VPS45: variants seen among roughly 807,000 people sequenced by gnomAD.
VPS45 encodes the protein vacuolar protein sorting-associated protein 45.
VPS45 carries 35 observed loss-of-function variants against 75.9 expected under a neutral mutation model. The ratio of observed to expected loss-of-function variants is 0.46; its 90% CI spans 0.35 to 0.61. The LOEUF (loss-of-function observed/expected upper bound fraction) is 0.61. Among genes scored for constraint, VPS45 ranks in the 20% least tolerant of loss-of-function variants. VPS45 has a pLI of 0.00. For synonymous variants in VPS45, 220 were observed against 238.2 expected, an observed-to-expected ratio of 0.92 and a Z score of 0.70; for missense variants, 559 against 685.9, an observed-to-expected ratio of 0.81 and a Z score of 2.07.
intron 12 of VPS45, chr1:150,092,699 C>A: frequency 1.4e-5 from 3 of 211,930 alleles, no homozygotes; most frequent in Non-Finnish European, 2.8e-5. Flanking sequence ...ATATTTTACA[C>A]CATTTGTTTA....
intron 14 of VPS45, among the ~76,000 whole-genome samples, chr1:150,116,969 G>A (rs1559932678): frequency 6.6e-6 from 1 of 152,022 alleles, no homozygotes; most frequent in Non-Finnish European, 1.5e-5. Flanking sequence ...TTAGGAGGCC[G>A]AGGCAGGCGG....
chr1:150,093,384 T>G, intron 12 of VPS45, 143 bp from the exon 13 acceptor site: 1 of 929,796 alleles, frequency 1.1e-6, no homozygotes, highest in Non-Finnish European at 1.5e-6. Context: ...CTGATTAAAA[T>G]AATTTTTAAA....
intron 14 of VPS45, among the ~76,000 whole-genome samples, chr1:150,130,250 G>A (rs1288535024): frequency 7.0e-6 from 1 of 141,852 alleles, no homozygotes; most frequent in Non-Finnish European, 1.5e-5. Flanking sequence ...TTGCCAGGCT[G>A]GAGTGCAGTG....
chr1:150,126,554 T>C (rs1278137560), intron 14 of VPS45, among the ~76,000 whole-genome samples: 1 of 152,118 alleles, frequency 6.6e-6, no homozygotes, highest in Non-Finnish European at 1.5e-5. Context: ...GTGATGGAAA[T>C]GTTCTATATC....
chr1:150,115,718 G>C (rs1657894696), intron 14 of VPS45, among the ~76,000 whole-genome samples: 1 of 152,116 alleles, frequency 6.6e-6, no homozygotes, highest in African/African-American at 2.4e-5. Flanking sequence ...TATACATAAG[G>C]GTTCCTGAAC....
At chr1:150,106,249 A>G (rs1657317404) in intron 13 of VPS45, among the ~76,000 whole-genome samples, 1 of 152,182 alleles carries the variant, frequency 6.6e-6, no homozygotes, top group Non-Finnish European at 1.5e-5. Flanking sequence ...AAACAAAAGT[A>G]GACAAGTAGG....
At chr1:150,128,308 A>AAAAAAAG (rs1176403670) in intron 14 of VPS45, among the ~76,000 whole-genome samples, 3,197 of 151,586 alleles carry the variant, frequency 0.021, 101 homozygotes, top group African/African-American at 0.073. Flanking sequence ...GTCTTAAAAA[A>AAAAAAAG]AAAAAGAAAA....
intron 1 of VPS45, chr1:150,068,166 T>G (rs868927178): frequency 1.2e-5 from 6 of 516,368 alleles, no homozygotes; most frequent in Middle Eastern, 4.1e-4. Context: ...CCGGAACAAT[T>G]TATTGGAATC....
chr1:150,078,474 A>G (rs974091813), intron 7 of VPS45, among the ~76,000 whole-genome samples: 5 of 152,068 alleles, frequency 3.3e-5, no homozygotes, highest in Non-Finnish European at 5.9e-5. Context: ...AAACCACTCA[A>G]TCTGGCCGGG....
intron 6 of VPS45, chr1:150,077,451 T>C (rs1038241367): frequency 2.7e-6 from 2 of 737,336 alleles, no homozygotes; most frequent in Middle Eastern, 3.7e-4. Context: ...ATTTAACTTT[T>C]TTTGGTCCAG....
chr1:150,108,488 G>A (rs1553806432), intron 13 of VPS45, among the ~76,000 whole-genome samples: 1 of 152,150 alleles, frequency 6.6e-6, no homozygotes, highest in Admixed American at 6.5e-5. Flanking sequence ...CAGATGGAGA[G>A]AATGAGTTTA....
At chr1:150,126,416 T>C (rs1658522476) in intron 14 of VPS45, among the ~76,000 whole-genome samples, 1 of 152,066 alleles carries the variant, frequency 6.6e-6, no homozygotes, top group Non-Finnish European at 1.5e-5. Flanking sequence ...GGTTTCACCA[T>C]GTTAGCCAGG....
intron 14 of VPS45, among the ~76,000 whole-genome samples, chr1:150,140,862 G>A (rs954157233): frequency 5.9e-5 from 9 of 152,188 alleles, no homozygotes; most frequent in African/African-American, 1.9e-4. Context: ...GAATGAGTAC[G>A]TAACTCTAAG....
At chr1:150,077,014 C>G (rs960769296) in intron 5 of VPS45, 30 bp downstream of exon 5, 1 of 1,613,486 alleles carries the variant, frequency 6.2e-7, no homozygotes, top group African/African-American at 1.3e-5. Context: ...ATTTATCAGT[C>G]GAGAGTTAAT....
Position 150,092,319 on chromosome 1 carries a change from T to C in VPS45, c.1281T>C (p.Val427=). Residue 427 remains valine (V), a synonymous_variant, in exon 12 of 15, where the codon GTT becomes GTC. Transcript: ENST00000644510. ...CTTAATAGCTCGTGTCTGCAGTTGT[T>C]GAATATGGTGGTAAACGAGTCAGAG... ...EKYRKLVSAV[V]EYGGKRVRGS... 4 of 1,614,138 alleles carry C rather than the reference T, an allele frequency of 2.5e-6. No individual in the cohort carries two copies. The East Asian group carries it at 8.9e-5, about 36-fold the overall frequency.
rs1271796208 is a variant in VPS45, at chr1:150,088,601, TC to T, written c.1105-3332del. Among the ~76,000 whole-genome samples the T allele has an allele frequency of 3.6e-4, 52 of 146,374 alleles. 1 individual carries two copies. Among genetic ancestry groups the T allele is most frequent in the East Asian group, 2.2e-4 (1 of 4,638 alleles). The stretch of plus-strand genomic sequence containing the variant: ...CTCAAGCTACTCTCCCACCTCAGCC[TC>T]CCCAGTAGCTGGGACTACAGGTATA... On this transcript the variant is annotated intron_variant, in intron 10 of 14. Transcript: ENST00000644510.
chr1:150,128,790 A>T (rs1553811487), intron 14 of VPS45, among the ~76,000 whole-genome samples: 1 of 151,032 alleles, frequency 6.6e-6, no homozygotes, highest in Non-Finnish European at 1.5e-5. Flanking sequence ...CCCAGGCTGG[A>T]GTGCAGTGGC....
At chr1:150,135,015 G>C (rs1402405457) in intron 14 of VPS45, among the ~76,000 whole-genome samples, 1 of 152,084 alleles carries the variant, frequency 6.6e-6, no homozygotes, top group Non-Finnish European at 1.5e-5. Context: ...ATGATCTTAT[G>C]GTCCAGTGGA....
At chr1:150,093,745 C>A in intron 13 of VPS45, 97 bp downstream of exon 13, 3 of 1,398,428 alleles carry the variant, frequency 2.1e-6, no homozygotes, top group Non-Finnish European at 2.9e-6. Flanking sequence ...TTATAGCATT[C>A]TGCTGCTCCT....
Sources: gnomAD v4.1 joint callset for allele counts (sites outside exome capture counted in the v4.1 genomes callset) on GRCh38, gnomAD v4.1.1 for gene constraint, MANE v1.5 for transcripts, NCBI Gene and HGNC (gene_info 2026-07-23, HGNC 2026-07-21) for gene names.